Variants in RTF1 observed in about 807,000 individuals in gnomAD.
The protein encoded by RTF1 is RNA polymerase-associated protein RTF1 homolog.
Under a neutral mutation model 95.7 loss-of-function variants are expected in RTF1, and 10 were observed. That is an observed-to-expected ratio of 0.10 (90% CI 0.06 to 0.18). RTF1 has a LOEUF of 0.18. RTF1 is among the 10% of genes least tolerant of loss of function. The pLI is 1.00. For synonymous variants in RTF1, 305 were observed against 311.8 expected, an observed-to-expected ratio of 0.98 and a Z score of 0.23; for missense variants, 458 against 875.6, an observed-to-expected ratio of 0.52 and a Z score of 6.02.
intron 7 of RTF1, among the ~76,000 whole-genome samples, chr15:41,470,621 C>T (rs1223736802): frequency 1.3e-5 from 2 of 148,450 alleles, no homozygotes; most frequent in Admixed American, 6.7e-5. Flanking sequence ...GTGTCATTCT[C>T]AGATTGGCCT....
chr15:41,477,670 A>G (rs1033027513), intron 14 of RTF1, 155 bp downstream of exon 14: 4 of 666,270 alleles, frequency 6.0e-6, no homozygotes, highest in Admixed American at 2.5e-5. Context: ...CATCGATATA[A>G]TTTATTCATA....
intron 1 of RTF1, among the ~76,000 whole-genome samples, chr15:41,432,001 A>G (rs1197885149): frequency 2.0e-5 from 3 of 151,274 alleles, no homozygotes; most frequent in East Asian, 2.0e-4. Flanking sequence ...TGGTTTCACC[A>G]TGCTGGCCAG....
At chr15:41,438,286 G>T in intron 1 of RTF1, 35 bp from the exon 2 acceptor site, 2 of 1,400,430 alleles carry the variant, frequency 1.4e-6, no homozygotes, top group South Asian at 1.3e-5. Flanking sequence ...TTTCTCTGTT[G>T]AACAAAACTG....
chr15:41,481,122 TGTG>T lies in RTF1; in HGVS notation c.*437_*439del, dbSNP rs2050971098. 6.5e-6 allele frequency: 1 copy of T among 154,556 alleles called. No individual in the cohort carries two copies. Among genetic ancestry groups the T allele is most frequent in the African/African-American group, 2.4e-5 (1 of 41,332 alleles). The allele number at this position is 154,556 out of a possible 1,614,324, so 9.6% of individuals were successfully genotyped here. On this transcript the variant is annotated 3_prime_UTR_variant, in exon 18 of 18. Coordinates refer to ENST00000389629, the MANE Select transcript of RTF1 (RefSeq NM_015138.5). ...CCATTGAACATTCGGCACGTGACCTTGTGGGGGGAGCGGGGATTGGGCACCTGC... is the reference window on the plus strand; with the variant it reads ...CCATTGAACATTCGGCACGTGACCTTGGGGGAGCGGGGATTGGGCACCTGC...
chr15:41,446,695 A>G (rs931501245), intron 2 of RTF1, among the ~76,000 whole-genome samples: 1 of 152,030 alleles, frequency 6.6e-6, no homozygotes, highest in African/African-American at 2.4e-5. Flanking sequence ...AGGCAGTGTT[A>G]TTATTCCTAC....
At chr15:41,446,680 G>A (rs1262553181) in intron 2 of RTF1, among the ~76,000 whole-genome samples, 3 of 152,144 alleles carry the variant, frequency 2.0e-5, no homozygotes, top group South Asian at 4.1e-4. Context: ...CCTGGTAGGT[G>A]GTCAAGGCAG....
chr15:41,436,017 AG>A (rs1459586185), intron 1 of RTF1, among the ~76,000 whole-genome samples: 1 of 152,024 alleles, frequency 6.6e-6, no homozygotes, highest in African/African-American at 2.4e-5. Context: ...TAAACTCCTT[AG>A]TTTCTTGGCC....
chr15:41,463,050 C>A (rs759607998), intron 4 of RTF1, among the ~76,000 whole-genome samples: 1 of 152,092 alleles, frequency 6.6e-6, no homozygotes, highest in African/African-American at 2.4e-5. Flanking sequence ...CCACCATGGC[C>A]GACCTGGATA....
At chr15:41,478,842 C>T in intron 15 of RTF1, 1 of 608,370 alleles carries the variant, frequency 1.6e-6, no homozygotes, top group Non-Finnish European at 2.9e-6. Context: ...AGTGACTGAT[C>T]CTCCTGTATC....
rs2140659474 is a variant in RTF1, at chr15:41,480,122, CA to C, written c.1915-89del. On this transcript the variant is annotated intron_variant, in intron 16 of 17. Coordinates refer to ENST00000389629, the MANE Select transcript of RTF1 (RefSeq NM_015138.5). Reference sequence around the variant, plus strand: ...CCTTAGTAGGAAAATCTAATGAACTCAAATAAGAGCTTCGTACCGTTAGTGG... The same window carrying C: ...CCTTAGTAGGAAAATCTAATGAACTCAATAAGAGCTTCGTACCGTTAGTGG... The C allele has an allele frequency of 5.0e-6, 4 of 799,940 alleles. No homozygotes were observed. The South Asian group carries it at 6.3e-5, about 13-fold the overall frequency. 49.6% of individuals were successfully genotyped at this position (799,940 alleles called of 1,614,324 possible).
intron 2 of RTF1, among the ~76,000 whole-genome samples, chr15:41,444,653 G>C (rs1016823575): frequency 6.6e-6 from 1 of 152,156 alleles, no homozygotes; most frequent in African/African-American, 2.4e-5. Context: ...ACGAATAACA[G>C]TTCTTGTACT....
At chr15:41,473,039 CCT>C (rs1294943388) in intron 8 of RTF1, among the ~76,000 whole-genome samples, 1 of 151,942 alleles carries the variant, frequency 6.6e-6, no homozygotes, top group Non-Finnish European at 1.5e-5. Context: ...GTAGCAACAG[CCT>C]CTCTCTGTTT....
intron 1 of RTF1, among the ~76,000 whole-genome samples, chr15:41,437,928 C>T (rs8039556): frequency 0.016 from 2,428 of 152,228 alleles, 76 homozygotes; most frequent in African/African-American, 0.056. Context: ...CCCACAAATG[C>T]CAATTTTACC....
chr15:41,478,961 TGCTG>T, intron 15 of RTF1, 138 bp from the exon 16 acceptor site: 2 of 573,528 alleles, frequency 3.5e-6, no homozygotes, highest in South Asian at 2.4e-5. Context: ...TTTTTTTTTT[TGCTG>T]CTTTGAGGAA....
chr15:41,475,449 A>T, intron 9 of RTF1, 76 bp from the exon 10 acceptor site: 1 of 1,113,050 alleles, frequency 9.0e-7, no homozygotes, highest in Non-Finnish European at 1.4e-6. Context: ...GGTGGTACAT[A>T]GTCTGGTAAG....
intron 14 of RTF1, among the ~76,000 whole-genome samples, chr15:41,477,791 T>C (rs574158318): frequency 6.6e-6 from 1 of 152,338 alleles, no homozygotes; most frequent in South Asian, 2.1e-4. Context: ...CCCCCATATC[T>C]ACTCTGGTAT....
At position 41,464,903 on chromosome 15, in the gene RTF1, C is replaced by A; in HGVS notation, c.777+18C>A. The A allele has an allele frequency of 1.3e-6, 2 of 1,512,882 alleles. No homozygotes were observed. The highest frequency in any genetic ancestry group is 2.6e-5 in the South Asian group (2 of 76,716). The allele number at this position is 1,512,882 out of a possible 1,614,324, so 93.7% of individuals were successfully genotyped here. A position where few individuals can be genotyped will look rare whatever the true frequency, so the allele number is the denominator to read the frequency against. ...AATCTCAGGTAGGAGATTCAGTGTTCCTCATTGTCCAAAGAATAAACCTGT... is the reference window on the plus strand; with the variant it reads ...AATCTCAGGTAGGAGATTCAGTGTTACTCATTGTCCAAAGAATAAACCTGT... On this transcript the variant is annotated intron_variant, in intron 5 of 17. Coordinates refer to ENST00000389629, the MANE Select transcript of RTF1 (RefSeq NM_015138.5).
chr15:41,478,344 T>C, intron 14 of RTF1: 1 of 522,398 alleles, frequency 1.9e-6, no homozygotes, highest in Non-Finnish European at 3.3e-6. Context: ...GCAGATGCAA[T>C]GAGCTGAGAT....
At chr15:41,470,868 C>CG (rs1414178025) in intron 7 of RTF1, among the ~76,000 whole-genome samples, 1 of 151,808 alleles carries the variant, frequency 6.6e-6, no homozygotes, top group Non-Finnish European at 1.5e-5. Context: ...CTGTTTTAGC[C>CG]GGGATGGTCT....
Sources: allele counts gnomAD v4.1 joint callset (sites outside exome capture counted in the v4.1 genomes callset), GRCh38; gene constraint gnomAD v4.1.1; transcripts MANE v1.5; gene names NCBI Gene and HGNC (gene_info 2026-07-23, HGNC 2026-07-21).